Variants in MOCS1 observed in about 807,000 individuals in gnomAD.
MOCS1 encodes molybdenum cofactor synthesis 1, also known as molybdenum cofactor biosynthesis protein 1.
Under a neutral mutation model 57.6 loss-of-function variants are expected in MOCS1, and 39 were observed. The observed-to-expected ratio is 0.68, with a 90% CI of 0.52 to 0.88. The LOEUF (loss-of-function observed/expected upper bound fraction) is 0.88. MOCS1 is among the 40% of genes least tolerant of loss of function. The pLI is 0.00. For missense variants in MOCS1, 795 were observed against 831.1 expected (o/e 0.96, Z 0.53); for synonymous variants, 334 against 335.7 (o/e 1.00, Z 0.05).
At position 39,913,835 on chromosome 6, in the gene MOCS1, C is replaced by G. The variant is rs1201393338; in HGVS notation, c.584G>C (p.Gly195Ala). 3 of 1,614,162 alleles carry G rather than the reference C, an allele frequency of 1.9e-6. No individual in the cohort carries two copies. Among genetic ancestry groups the G allele is most frequent in the East Asian group, 4.5e-5 (2 of 44,884 alleles). ...GATGCCCTCCATGACCTTGTGGAAG[C>G]CTGGGAGGGAGAAACAAGGATCCAG... ...AKFEFIVRRK[G>A]FHKVMEGIHK... is the part of the protein sequence containing the mutation. The change falls in exon 5 of 11, where the codon GGC (glycine) becomes GCC (alanine). Residue 195 changes from glycine (G) to alanine (A), a missense_variant and splice_region_variant. By Grantham distance (60) the Gly-to-Ala change is moderately conservative. Around this residue, in one of 3 missense-constraint regions of MOCS1, gnomAD observed 416 missense variants for 392.4 expected, o/e 1.06. Coordinates refer to ENST00000340692, the MANE Select transcript of MOCS1 (RefSeq NM_001358530.2).
In MOCS1 at chr6:39,906,057, C is replaced by T. The variant is rs1261771896; in HGVS notation, c.*300G>A. The T allele has an allele frequency of 1.7e-6, 1 of 598,326 alleles. No homozygotes were observed. The highest frequency in any genetic ancestry group is 3.1e-6 in the Non-Finnish European group (1 of 320,734). 37.1% of individuals were successfully genotyped at this position (598,326 alleles called of 1,614,324 possible). A position where few individuals can be genotyped will look rare whatever the true frequency, so the allele number is the denominator to read the frequency against. On this transcript the variant is annotated 3_prime_UTR_variant, in exon 11 of 11. Coordinates refer to ENST00000340692, the MANE Select transcript of MOCS1 (RefSeq NM_001358530.2). ...GAACCTGGTTGTCTGAAATAGTCCA[C>T]AAAGAACATGATTTCTCAGTTATCT...
At position 39,906,210 on chromosome 6, in the gene MOCS1, T is replaced by C; in HGVS notation, c.*147A>G. 1.0e-6 allele frequency: 1 copy of C among 974,730 alleles called. No homozygotes were observed. The highest frequency in any genetic ancestry group is 1.6e-6 in the Non-Finnish European group (1 of 610,688). 60.4% of individuals were successfully genotyped at this position (974,730 alleles called of 1,614,324 possible). A position where few individuals can be genotyped will look rare whatever the true frequency, so the allele number is the denominator to read the frequency against. On this transcript the variant is annotated 3_prime_UTR_variant, in exon 11 of 11. Coordinates refer to ENST00000340692, the MANE Select transcript of MOCS1 (RefSeq NM_001358530.2). ...GAGATCATCTAGCAGCAGGCCTGTT[T>C]GTTAGTAGTAGAGCAGGCTGACTTC...
chr6:39,909,874 T>G lies in MOCS1; in HGVS notation c.1063A>C (p.Ile355Leu), dbSNP rs760299557. 1 of 1,613,744 alleles carries G rather than the reference T, an allele frequency of 6.2e-7. No individual in the cohort carries two copies. Among genetic ancestry groups the G allele is most frequent in the Non-Finnish European group, 8.5e-7 (1 of 1,180,018 alleles). Reference protein sequence around the residue: ...GASEQELLRIIGAAVGRKKRQ... With the variant: ...GASEQELLRILGAAVGRKKRQ... ...TTCTTCCTGCCCACAGCAGCCCCAATGATTCTCAGCAGCTCCTGCTCAGAG... is the reference window on the plus strand; with the variant it reads ...TTCTTCCTGCCCACAGCAGCCCCAAGGATTCTCAGCAGCTCCTGCTCAGAG... Residue 355 changes from isoleucine to leucine, a missense_variant, in exon 9 of 11, where the codon ATT becomes CTT. This residue lies in a region of MOCS1 where 374 missense variants were observed against 422.6 expected (regional missense o/e 0.89). Transcript: ENST00000340692.
chr6:39,911,103 A>G (rs182939965), intron 8 of MOCS1, among the ~76,000 whole-genome samples: 1 of 152,266 alleles, frequency 6.6e-6, no homozygotes, highest in Non-Finnish European at 1.5e-5. Context: ...TGGTTCCCTT[A>G]ATCTTATATG....
intron 4 of MOCS1, among the ~76,000 whole-genome samples, chr6:39,914,942 G>C (rs1024714610): frequency 1.3e-5 from 2 of 152,088 alleles, no homozygotes; most frequent in African/African-American, 4.8e-5. Context: ...TCCCACCGTA[G>C]AGCCCTTGCA....
chr6:39,929,190 C>A (rs74840932), intron 1 of MOCS1, among the ~76,000 whole-genome samples: 1,744 of 152,274 alleles, frequency 0.011, 26 homozygotes, highest in African/African-American at 0.038. Flanking sequence ...CCCTGCTCAC[C>A]ATCCTGTGGG....
In MOCS1 at chr6:39,905,739, G is replaced by C; in HGVS notation, c.*618C>G. On this transcript the variant is annotated 3_prime_UTR_variant, in exon 11 of 11. Transcript: ENST00000340692. Reference sequence around the variant, plus strand: ...GAAGAGGGGGGCCAGAGGAAAAGGGGCCAGCAGGACCGGGCAACTGTTAAG... The same window carrying C: ...GAAGAGGGGGGCCAGAGGAAAAGGGCCCAGCAGGACCGGGCAACTGTTAAG... The C allele has an allele frequency of 2.1e-6, 1 of 471,222 alleles. No homozygotes were observed. Among genetic ancestry groups the C allele is most frequent in the Admixed American group, 2.3e-5 (1 of 42,574 alleles). The allele number at this position is 471,222 out of a possible 1,614,324, so 29.2% of individuals were successfully genotyped here. A position where few individuals can be genotyped will look rare whatever the true frequency, so the allele number is the denominator to read the frequency against.
At position 39,912,280 on chromosome 6, in the gene MOCS1, G is replaced by A; in HGVS notation, c.965C>T (p.Ala322Val). 3 of 1,612,434 alleles carry A rather than the reference G, an allele frequency of 1.9e-6. No individual in the cohort carries two copies. The highest frequency in any genetic ancestry group is 1.1e-5 in the South Asian group (1 of 91,014). ...CGTCNRLRIT[A>V]DGNLKVCLFG... ...GATGCTCACCTTGAGGTTCCCATCA[G>A]CTGTGATTCGCAGGCGGTTGCAGGT... is the stretch of plus-strand genomic sequence containing the variant. The change falls in exon 8 of 11, where the codon GCT becomes GTT. Residue 322 changes from alanine (A) to valine (V), a missense_variant. Physicochemically the swap from Ala to Val is moderately conservative, Grantham distance 64 (BLOSUM62 0). This residue lies in a region of MOCS1 where 374 missense variants were observed against 422.6 expected (regional missense o/e 0.89). Transcript: ENST00000340692.
At chr6:39,907,165 T>C in intron 10 of MOCS1, 48 bp from the exon 11 acceptor site, 3 of 1,558,096 alleles carry the variant, frequency 1.9e-6, no homozygotes, top group Non-Finnish European at 2.6e-6. Flanking sequence ...CAAAAGGCAA[T>C]TCTTTTTCCC....
At chr6:39,927,709 T>C in intron 1 of MOCS1, 2 of 1,533,708 alleles carry the variant, frequency 1.3e-6, no homozygotes, top group South Asian at 2.4e-5. Flanking sequence ...ACTGGGAAGA[T>C]TTCTGGCTGG....
Position 39,906,227 on chromosome 6 carries a change from G to GCTGA in MOCS1, c.*126_*129dup, listed in dbSNP as rs751204220. 8 of 1,139,182 alleles carry GCTGA rather than the reference G, an allele frequency of 7.0e-6. No individual in the cohort carries two copies. The Admixed American group carries it at 1.2e-4, about 17-fold the overall frequency. The allele number at this position is 1,139,182 out of a possible 1,614,324, so 70.6% of individuals were successfully genotyped here. On this transcript the variant is annotated 3_prime_UTR_variant, in exon 11 of 11. Transcript: ENST00000340692. ...GGCCTGTTTGTTAGTAGTAGAGCAG[G>GCTGA]CTGACTTCGGGTTTACTGCTCAAGG...
chr6:39,909,527 A>C (rs1022498672), intron 9 of MOCS1, among the ~76,000 whole-genome samples: 3 of 152,050 alleles, frequency 2.0e-5, no homozygotes, highest in Non-Finnish European at 4.4e-5. Context: ...CCCTAAACAG[A>C]AGGCCACGTG....
At chr6:39,913,082 C>G (rs948571717) in intron 6 of MOCS1, 78 bp from the exon 7 acceptor site, 8 of 1,123,312 alleles carry the variant, frequency 7.1e-6, no homozygotes, top group African/African-American at 4.6e-5. Context: ...GAGTCCATCC[C>G]CTGCCACAGC....
intron 1 of MOCS1, among the ~76,000 whole-genome samples, chr6:39,930,530 A>T (rs575638367): frequency 4.3e-4 from 57 of 133,534 alleles, no homozygotes; most frequent in Non-Finnish European, 8.8e-4. Context: ...AGCCAGTTAC[A>T]TGGGGGTAAT....
At chr6:39,922,774 G>A (rs1768046389) in intron 3 of MOCS1, among the ~76,000 whole-genome samples, 1 of 152,126 alleles carries the variant, frequency 6.6e-6, no homozygotes, top group Admixed American at 6.5e-5. Context: ...GAGGTGAACG[G>A]GACCTCAGGC....
At chr6:39,910,832 C>CG (rs1241375753) in intron 8 of MOCS1, among the ~76,000 whole-genome samples, 3 of 152,016 alleles carry the variant, frequency 2.0e-5, no homozygotes, top group Admixed American at 1.3e-4. Context: ...TCCCCTCCCG[C>CG]CCCCCAGCTG....
intron 10 of MOCS1, 102 bp downstream of exon 10, chr6:39,908,950 AATC>A (rs1767122052): frequency 1.1e-6 from 1 of 949,016 alleles, no homozygotes; most frequent in African/African-American, 1.6e-5. Flanking sequence ...AAGGATGAGA[AATC>A]AGCATGAAAT....
At chr6:39,913,040 T>A (rs1420735844) in intron 6 of MOCS1, 36 bp from the exon 7 acceptor site, 1 of 1,582,886 alleles carries the variant, frequency 6.3e-7, no homozygotes, top group Non-Finnish European at 8.7e-7. Context: ...GGGGAGCTTC[T>A]GAATCACAGT....
intron 3 of MOCS1, 62 bp from the exon 4 acceptor site, chr6:39,916,294 G>T: frequency 6.3e-7 from 1 of 1,599,222 alleles, no homozygotes; most frequent in Non-Finnish European, 8.5e-7. Context: ...CCGGGAAAAG[G>T]GCTGGAAGGC....
Sources: allele counts gnomAD v4.1 joint callset (sites outside exome capture counted in the v4.1 genomes callset), GRCh38; gene constraint gnomAD v4.1.1; regional missense constraint gnomAD v4.1.1; transcripts MANE v1.5; gene names NCBI Gene and HGNC (gene_info 2026-07-23, HGNC 2026-07-21).